KNG1: variants seen among roughly 807,000 people sequenced by gnomAD.
KNG1 encodes kininogen 1.
KNG1 carries 23 observed loss-of-function variants against 47.8 expected under a neutral mutation model. The observed-to-expected ratio is 0.48, with a 90% CI of 0.35 to 0.68. KNG1 has a LOEUF of 0.68. Among genes scored for constraint, KNG1 ranks in the 30% least tolerant of loss-of-function variants. KNG1 has a pLI of 0.01. For synonymous variants in KNG1, 277 were observed against 277.0 expected (o/e 1.00, Z 0.00); for missense variants, 762 against 790.2 (o/e 0.96, Z 0.43).
At chr3:186,731,314 C>T (rs1720526103) in intron 5 of KNG1, among the ~76,000 whole-genome samples, 1 of 151,990 alleles carries the variant, frequency 6.6e-6, no homozygotes, top group South Asian at 2.1e-4. Flanking sequence ...TATTTCTGTA[C>T]TAGATCTTCC....
At chr3:186,735,954 T>C (rs1374195842) in intron 7 of KNG1, 1 of 152,224 alleles carries the variant, frequency 6.6e-6, no homozygotes. Flanking sequence ...CCTTATTCTT[T>C]ATTCTGAATG....
intron 7 of KNG1, among the ~76,000 whole-genome samples, chr3:186,733,420 C>T (rs889993274): frequency 2.6e-5 from 4 of 152,152 alleles, no homozygotes; most frequent in Non-Finnish European, 5.9e-5. Flanking sequence ...CAAGGCTCCA[C>T]GCTTTCTTGC....
At chr3:186,739,045 G>A (rs1017490376) in intron 7 of KNG1, 54 bp from the exon 8 acceptor site, 2 of 1,360,496 alleles carry the variant, frequency 1.5e-6, no homozygotes, top group Non-Finnish European at 2.1e-6. Flanking sequence ...AAAGATAAAT[G>A]ATTTATTATG....
At chr3:186,719,764 A>G (rs1457963276) in intron 1 of KNG1, among the ~76,000 whole-genome samples, 1 of 152,138 alleles carries the variant, frequency 6.6e-6, no homozygotes, top group Non-Finnish European at 1.5e-5. Context: ...TTGAAGAAGA[A>G]AGTGAAAGAT....
At chr3:186,734,399 T>G (rs1018279008) in intron 7 of KNG1, among the ~76,000 whole-genome samples, 8 of 152,094 alleles carry the variant, frequency 5.3e-5, no homozygotes, top group Non-Finnish European at 1.0e-4. Context: ...TGTTATAATA[T>G]TCAGTGAAAA....
intron 9 of KNG1, among the ~76,000 whole-genome samples, chr3:186,740,462 A>T (rs532703906): frequency 6.6e-6 from 1 of 152,318 alleles, no homozygotes; most frequent in Non-Finnish European, 1.5e-5. Context: ...TACCCTTTCC[A>T]TCACGATGCT....
chr3:186,739,283 C>G, intron 8 of KNG1, 45 bp from the exon 9 acceptor site: 2 of 1,576,428 alleles, frequency 1.3e-6, no homozygotes, highest in Non-Finnish European at 1.7e-6. Flanking sequence ...TTAAATGTCT[C>G]GTGAATAACA....
intron 5 of KNG1, among the ~76,000 whole-genome samples, chr3:186,729,230 G>A (rs1720448600): frequency 6.6e-6 from 1 of 152,178 alleles, no homozygotes; most frequent in Non-Finnish European, 1.5e-5. Context: ...TGGTAGGACT[G>A]TAAAATGCTG....
In KNG1 at chr3:186,742,515, T is replaced by G. The variant is rs1008369989; in HGVS notation, c.*184T>G. On this transcript the variant is annotated 3_prime_UTR_variant, in exon 10 of 10. Transcript: ENST00000644859. ...AGTCTCCACGGACTGCATAAAATTG[T>G]GTGCCACAATTCTAACTCTTTTCTG... 15 of 1,428,018 alleles carry G rather than the reference T, an allele frequency of 1.1e-5. No individual in the cohort carries two copies. In the African/African-American group the frequency reaches 2.0e-4, roughly 19 times the overall value. The allele number at this position is 1,428,018 out of a possible 1,614,324, so 88.5% of individuals were successfully genotyped here.
rs1301836281 is a variant in KNG1 at position 186,742,835 on chromosome 3, G to A, written c.*504G>A. On this transcript the variant is annotated 3_prime_UTR_variant, in exon 10 of 10. Transcript: ENST00000644859. Reference sequence around the variant, plus strand: ...CGGGAGGCGGAGGTTGCAGTGAGCCGAGATCGTGCCACTGCGCTCCAGCCT... The same window carrying A: ...CGGGAGGCGGAGGTTGCAGTGAGCCAAGATCGTGCCACTGCGCTCCAGCCT... 5 of 940,290 alleles carry A rather than the reference G, an allele frequency of 5.3e-6. No individual in the cohort carries two copies. Among genetic ancestry groups the A allele is most frequent in the African/African-American group, 1.8e-5 (1 of 56,242 alleles). The allele number at this position is 940,290 out of a possible 1,614,324, so 58.2% of individuals were successfully genotyped here.
At position 186,742,642 on chromosome 3, in the gene KNG1, A is replaced by C. The variant is rs2108638994; in HGVS notation, c.*311A>C. 1 of 1,144,304 alleles carries C rather than the reference A, an allele frequency of 8.7e-7. No homozygotes were observed. The highest frequency in any genetic ancestry group is 2.7e-5 in the South Asian group (1 of 36,918). 70.9% of individuals were successfully genotyped at this position (1,144,304 alleles called of 1,614,324 possible). On this transcript the variant is annotated 3_prime_UTR_variant, in exon 10 of 10. Transcript: ENST00000644859. ...TTCTCTGATAACAAATATGTACCTT[A>C]CAACATATGTCATGAATTTGCATAC...
At chr3:186,724,419 A>G (rs1005559196) in intron 3 of KNG1, among the ~76,000 whole-genome samples, 1 of 152,124 alleles carries the variant, frequency 6.6e-6, no homozygotes, top group Admixed American at 6.6e-5. Context: ...TTTAATACAA[A>G]CTCTTTTTAA....
intron 2 of KNG1, 138 bp downstream of exon 2, chr3:186,720,353 C>G (rs893313617): frequency 1.4e-6 from 1 of 698,486 alleles, no homozygotes; most frequent in Non-Finnish European, 2.6e-6. Flanking sequence ...GTAGAAAAGT[C>G]AGATGCTTTA....
chr3:186,725,715 T>G (rs966206533), intron 4 of KNG1, among the ~76,000 whole-genome samples: 2 of 150,820 alleles, frequency 1.3e-5, no homozygotes, highest in African/African-American at 2.4e-5. Flanking sequence ...GGCTAATTTT[T>G]TTTATTATTA....
At chr3:186,739,284 G>T (rs371267755) in intron 8 of KNG1, 44 bp from the exon 9 acceptor site, 19 of 1,578,742 alleles carry the variant, frequency 1.2e-5, no homozygotes, top group Non-Finnish European at 1.7e-5. Flanking sequence ...TAAATGTCTC[G>T]TGAATAACAC....
intron 9 of KNG1, among the ~76,000 whole-genome samples, chr3:186,741,186 G>A (rs909631858): frequency 6.6e-6 from 1 of 151,992 alleles, no homozygotes; most frequent in Non-Finnish European, 1.5e-5. Context: ...TAGAGATGGG[G>A]TTTCAGCATG....
At chr3:186,720,337 C>T (rs1270077601) in intron 2 of KNG1, 122 bp downstream of exon 2, 2 of 724,296 alleles carry the variant, frequency 2.8e-6, no homozygotes, top group Non-Finnish European at 2.5e-6. Context: ...ATAAACATTC[C>T]AATGTGTAGA....
intron 2 of KNG1, among the ~76,000 whole-genome samples, 194 bp from the exon 3 acceptor site, chr3:186,722,243 A>G (rs1023181604): frequency 1.2e-4 from 19 of 152,190 alleles, no homozygotes; most frequent in Admixed American, 1.2e-3. Context: ...CATCTCATGA[A>G]TATCAGTGGC....
In KNG1 at chr3:186,742,153, A is replaced by G. The variant is rs748835413; in HGVS notation, c.1757A>G (p.Asp586Gly). The stretch of plus-strand genomic sequence containing the variant: ...CCAGCTCCCATACAGAGTGATGACG[A>G]TTGGATCCCTGATATCCAGATAGAC... ...ISPAPIQSDDDWIPDIQIDPN... is the reference protein window; with the variant it reads ...ISPAPIQSDDGWIPDIQIDPN... Residue 586 changes from aspartate to glycine, a missense_variant, in exon 10 of 10, where the codon GAT (aspartate) becomes GGT (glycine). By Grantham distance (94) the Asp-to-Gly change is moderately conservative. Transcript: ENST00000644859. The G allele has an allele frequency of 6.2e-7, 1 of 1,614,150 alleles. No homozygotes were observed. The highest frequency in any genetic ancestry group is 8.5e-7 in the Non-Finnish European group (1 of 1,180,018).
Sources: gnomAD v4.1 joint callset for allele counts (sites outside exome capture counted in the v4.1 genomes callset) on GRCh38, gnomAD v4.1.1 for gene constraint, MANE v1.5 for transcripts, NCBI Gene and HGNC (gene_info 2026-07-23, HGNC 2026-07-21) for gene names.